Variants in MGLL observed in about 807,000 individuals in gnomAD.
MGLL encodes monoglyceride lipase.
MGLL carries 7 observed loss-of-function variants against 29.1 expected under a neutral mutation model. The ratio of observed to expected loss-of-function variants is 0.24; its 90% CI spans 0.14 to 0.45. MGLL has a LOEUF of 0.45. MGLL is among the 20% of genes least tolerant of loss of function. The pLI is 0.99. For synonymous variants in MGLL, 148 were observed against 168.3 expected (o/e 0.88, Z 0.93); for missense variants, 356 against 413.6 (o/e 0.86, Z 1.21).
intron 5 of MGLL, chr3:127,715,999 G>A: frequency 2.7e-6 from 1 of 365,180 alleles, no homozygotes; most frequent in Admixed American, 3.5e-5. Context: ...CTCCCCCATT[G>A]AGGTGAGACC....
intron 2 of MGLL, among the ~76,000 whole-genome samples, chr3:127,805,504 G>A (rs1035474744): frequency 6.6e-6 from 1 of 152,138 alleles, no homozygotes; most frequent in South Asian, 2.1e-4. Context: ...CCTAACTGTG[G>A]GACCTCATCA....
intron 3 of MGLL, among the ~76,000 whole-genome samples, chr3:127,732,013 A>G (rs992147865): frequency 2.6e-5 from 4 of 152,218 alleles, no homozygotes; most frequent in South Asian, 2.1e-4. Flanking sequence ...ATAACTTTCC[A>G]TGTTGTTACC....
chr3:127,721,813 C>A (rs1721124), intron 4 of MGLL, among the ~76,000 whole-genome samples: 8,324 of 152,008 alleles, frequency 0.055, 654 homozygotes, highest in East Asian at 0.33. Flanking sequence ...GTCCCCAGGC[C>A]TTCAAATTCA....
intron 3 of MGLL, among the ~76,000 whole-genome samples, chr3:127,765,423 G>A (rs987085771): frequency 2.3e-4 from 35 of 152,358 alleles, no homozygotes; most frequent in African/African-American, 3.4e-4. Context: ...CTGGGCACTA[G>A]AATGAGAAGA....
chr3:127,760,584 C>T (rs753996679), intron 3 of MGLL, among the ~76,000 whole-genome samples: 5 of 152,346 alleles, frequency 3.3e-5, no homozygotes, highest in Middle Eastern at 3.4e-3. Flanking sequence ...ACAGACTGCG[C>T]GTCGCAAGCT....
intron 3 of MGLL, among the ~76,000 whole-genome samples, chr3:127,748,339 C>T (rs2076487760): frequency 6.6e-6 from 1 of 151,250 alleles, no homozygotes; most frequent in Non-Finnish European, 1.5e-5. Flanking sequence ...CTTGATCATT[C>T]CCCAGAGAGA....
At chr3:127,730,476 C>G (rs1247225871) in intron 3 of MGLL, among the ~76,000 whole-genome samples, 5 of 152,236 alleles carry the variant, frequency 3.3e-5, no homozygotes, top group African/African-American at 1.2e-4. Flanking sequence ...AACAGGCAGC[C>G]TCTCCTTGAG....
intron 3 of MGLL, among the ~76,000 whole-genome samples, chr3:127,726,504 A>G (rs1487916567): frequency 6.6e-6 from 1 of 152,026 alleles, no homozygotes; most frequent in East Asian, 1.9e-4. Context: ...CAGTGGCGCA[A>G]TCTCGGCTCA....
intron 3 of MGLL, among the ~76,000 whole-genome samples, chr3:127,754,780 G>A (rs561563029): frequency 2.3e-4 from 35 of 152,318 alleles, no homozygotes; most frequent in Non-Finnish European, 3.2e-4. Context: ...TGCCTCCCCC[G>A]CAGCTGCTGA....
intron 3 of MGLL, among the ~76,000 whole-genome samples, chr3:127,766,405 A>G (rs1325159442): frequency 1.3e-5 from 2 of 152,206 alleles, no homozygotes; most frequent in Non-Finnish European, 2.9e-5. Flanking sequence ...CACGCACCTT[A>G]TTGAAAGTAA....
intron 2 of MGLL, chr3:127,791,362 TC>T (rs1321338192): frequency 6.6e-6 from 1 of 152,264 alleles, no homozygotes. Context: ...CCATCCTGCT[TC>T]AAAGCTCTCT....
At position 127,803,803 on chromosome 3, in the gene MGLL, C is replaced by T. The variant is rs116348425; in HGVS notation, c.155+17891G>A. On this transcript the variant is annotated intron_variant, in intron 2 of 7. Transcript: ENST00000265052. ...ACCAGGAAAACATTACTCATTCCCT[C>T]GTTCATCCCATTCCAATCCTCTGAG... Among the ~76,000 whole-genome samples, 349 of 152,280 alleles carry T rather than the reference C, an allele frequency of 2.3e-3. 7 individuals carry two copies. Among genetic ancestry groups the T allele is most frequent in the African/African-American group, 8.0e-3 (332 of 41,534 alleles).
intron 3 of MGLL, among the ~76,000 whole-genome samples, chr3:127,722,843 G>A (rs1286572379): frequency 6.6e-6 from 1 of 152,190 alleles, no homozygotes; most frequent in East Asian, 1.9e-4. Flanking sequence ...CCTTGGGGGT[G>A]GTTTCCAAGG....
intron 5 of MGLL, chr3:127,711,223 C>A (rs2075706574): frequency 5.5e-6 from 1 of 182,744 alleles, no homozygotes; most frequent in African/African-American, 2.3e-5. Context: ...AGCTCTGCTG[C>A]CTCGTGAACA....
At chr3:127,705,324 CACATGTTTACCTATGTA>C (rs1356739738) in intron 6 of MGLL, among the ~76,000 whole-genome samples, 3 of 151,718 alleles carry the variant, frequency 2.0e-5, no homozygotes, top group African/African-American at 7.3e-5. Flanking sequence ...ACCACCATGG[CACATGTTTACCTATGTA>C]ACAAACCTGC....
chr3:127,818,519 C>A (rs759535261), intron 2 of MGLL, among the ~76,000 whole-genome samples: 3 of 152,052 alleles, frequency 2.0e-5, no homozygotes, highest in Non-Finnish European at 4.4e-5. Flanking sequence ...GATTTCCCAC[C>A]TTTGATATAT....
At chr3:127,791,447 C>T (rs2077299080) in intron 2 of MGLL, among the ~76,000 whole-genome samples, 1 of 152,198 alleles carries the variant, frequency 6.6e-6, no homozygotes, top group African/African-American at 2.4e-5. Flanking sequence ...TACATGGTTG[C>T]AGTTGATTAT....
intron 2 of MGLL, among the ~76,000 whole-genome samples, chr3:127,812,867 G>A (rs1462616875): frequency 6.7e-6 from 1 of 150,364 alleles, no homozygotes; most frequent in African/African-American, 2.4e-5. Flanking sequence ...GTGTTGATCG[G>A]GGTGTGGTCC....
At chr3:127,819,145 A>G (rs2077813213) in intron 2 of MGLL, among the ~76,000 whole-genome samples, 6 of 152,216 alleles carry the variant, frequency 3.9e-5, no homozygotes, top group Admixed American at 3.9e-4. Flanking sequence ...ATTTGCTTGC[A>G]TAAAGCGGGT....
Sources: allele counts gnomAD v4.1 joint callset (sites outside exome capture counted in the v4.1 genomes callset), GRCh38; gene constraint gnomAD v4.1.1; transcripts MANE v1.5; gene names NCBI Gene and HGNC (gene_info 2026-07-23, HGNC 2026-07-21).